CTNNA2: variants seen among roughly 807,000 people sequenced by gnomAD.
The protein encoded by CTNNA2 is catenin alpha 2.
In CTNNA2, 42 loss-of-function variants were observed where a neutral mutation model predicts 101.0. The ratio of observed to expected loss-of-function variants is 0.42; its 90% confidence interval spans 0.32 to 0.54. The LOEUF (loss-of-function observed/expected upper bound fraction) is 0.54, where lower values mean the gene tolerates loss of function less well. Ranked by LOEUF, CTNNA2 falls within the 20% of genes least tolerant of loss-of-function variation. The probability of loss-of-function intolerance (pLI) is 0.14; values close to 1 mark genes in which losing one functional copy is unlikely to be tolerated. For synonymous variants in CTNNA2, 450 were observed against 456.4 expected (o/e 0.99, Z 0.18); for missense variants, 871 against 1,223.1 (o/e 0.71, Z 4.29).
At chr2:79,942,205 C>T (rs1688207003) in intron 7 of CTNNA2, among the ~76,000 whole-genome samples, 2 of 152,162 alleles carry the variant, frequency 1.3e-5, no homozygotes, top group African/African-American at 4.8e-5. Context: ...TTGCAGCCAG[C>T]AAGTGCCTAT....
At chr2:79,793,356 G>A (rs1675432072) in intron 3 of CTNNA2, among the ~76,000 whole-genome samples, 1 of 152,238 alleles carries the variant, frequency 6.6e-6, no homozygotes, top group Non-Finnish European at 1.5e-5. Context: ...GTGAGACAGA[G>A]CGACTCATGT....
At chr2:80,581,653 G>A (rs1695554296) in intron 13 of CTNNA2, 53 bp from the exon 14 acceptor site, 6 of 1,120,802 alleles carry the variant, frequency 5.4e-6, no homozygotes, top group South Asian at 1.3e-5. Flanking sequence ...GTGTGTGGAT[G>A]GGGGTGAAGA....
At chr2:80,597,577 T>A (rs1201478845) in intron 15 of CTNNA2, among the ~76,000 whole-genome samples, 1 of 152,196 alleles carries the variant, frequency 6.6e-6, no homozygotes, top group East Asian at 1.9e-4. Flanking sequence ...ATTACCCATC[T>A]GGCAAGGGTC....
chr2:80,347,726 A>C (rs558394980), intron 7 of CTNNA2, among the ~76,000 whole-genome samples: 1 of 152,238 alleles, frequency 6.6e-6, no homozygotes, highest in South Asian at 2.1e-4. Flanking sequence ...GTAGCATCAG[A>C]ATACCCTAGA....
At position 80,517,961 on chromosome 2, in the gene CTNNA2, T is replaced by G. The variant is rs549517469; in HGVS notation, c.1291-27021T>G. Among the ~76,000 whole-genome samples the G allele has an allele frequency of 2.0e-5, 3 of 152,306 alleles. No individual in the cohort carries two copies. In the South Asian group the frequency reaches 6.2e-4, roughly 32 times the overall value. On this transcript the variant is annotated intron_variant, in intron 9 of 18. Transcript: ENST00000402739. ...TGCCAGAATTCACATCCCTAAAGTATGCTATTTCTAGGGATTACAAGTAAA... is the reference window on the plus strand; with the variant it reads ...TGCCAGAATTCACATCCCTAAAGTAGGCTATTTCTAGGGATTACAAGTAAA...
Position 80,232,377 on chromosome 2 carries a change from T to G in CTNNA2, c.1057-160834T>G, listed in dbSNP as rs865899931. ...TTTTTTTTTTTTTTTTTTTTTTTTT[T>G]TTTTTTTTTTTGTTAACACTAGTTT... On this transcript the variant is annotated intron_variant, in intron 7 of 18. Transcript: ENST00000402739. Among the ~76,000 whole-genome samples, 332 of 104,384 alleles carry G rather than the reference T, an allele frequency of 3.2e-3. 11 individuals carry two copies. Among genetic ancestry groups the G allele is most frequent in the Middle Eastern group, 4.3e-3 (1 of 232 alleles). The allele number at this position is 104,384 out of a possible 152,430, so 68.5% of individuals were successfully genotyped here. A position where few individuals can be genotyped will look rare whatever the true frequency, so the allele number is the denominator to read the frequency against.
chr2:79,310,294 G>A (rs956792803), intron 2 of CTNNA2, among the ~76,000 whole-genome samples: 2 of 152,174 alleles, frequency 1.3e-5, no homozygotes, highest in African/African-American at 4.8e-5. Context: ...TCGACAAAAT[G>A]TTTCTAAGAT....
intron 7 of CTNNA2, among the ~76,000 whole-genome samples, chr2:80,258,879 C>T (rs972036116): frequency 3.9e-5 from 6 of 152,064 alleles, no homozygotes; most frequent in African/African-American, 7.2e-5. Flanking sequence ...CTGCTCTTAC[C>T]GCCTCACTTC....
At chr2:79,796,736 G>T (rs1675734067) in intron 3 of CTNNA2, among the ~76,000 whole-genome samples, 1 of 152,202 alleles carries the variant, frequency 6.6e-6, no homozygotes, top group Non-Finnish European at 1.5e-5. Context: ...CATCAGTTAG[G>T]TAATGAGAAG....
At chr2:80,504,768 C>T (rs2149539062) in intron 9 of CTNNA2, among the ~76,000 whole-genome samples, 1 of 152,344 alleles carries the variant, frequency 6.6e-6, no homozygotes, top group East Asian at 1.9e-4. Context: ...TTCTTCATCA[C>T]TGCCTGACCT....
intron 3 of CTNNA2, among the ~76,000 whole-genome samples, chr2:79,327,074 C>T (rs1200647351): frequency 1.3e-5 from 2 of 152,174 alleles, no homozygotes; most frequent in Admixed American, 1.3e-4. Flanking sequence ...TCCTGCATAC[C>T]TCTCCAGGGA....
intron 7 of CTNNA2, among the ~76,000 whole-genome samples, chr2:79,935,421 G>A (rs1687720582): frequency 6.6e-6 from 1 of 150,774 alleles, no homozygotes; most frequent in South Asian, 2.1e-4. Flanking sequence ...AAAGTACAAA[G>A]AACGATATAT....
chr2:80,181,000 A>G (rs536117497), intron 7 of CTNNA2, among the ~76,000 whole-genome samples: 15 of 152,274 alleles, frequency 9.9e-5, no homozygotes, highest in Admixed American at 3.9e-4. Flanking sequence ...TCATTATCCC[A>G]TACCCTTAAT....
intron 3 of CTNNA2, among the ~76,000 whole-genome samples, chr2:79,795,341 TATA>T (rs1467667505): frequency 6.6e-6 from 1 of 152,108 alleles, no homozygotes; most frequent in Non-Finnish European, 1.5e-5. Flanking sequence ...GATTTAAAAA[TATA>T]ATAGTAAAGT....
At chr2:79,922,642 C>CTTTTTTTTTTTTTTTTTTTTTTTTTTT (rs35186079) in intron 7 of CTNNA2, among the ~76,000 whole-genome samples, 1 of 137,180 alleles carries the variant, frequency 7.3e-6, no homozygotes, top group African/African-American at 2.7e-5. Context: ...CAGTTTTTTA[C>CTTTTTTTTTTTTTTTTTTTTTTTTTTT]TTTTTTTTTT....
At chr2:80,022,332 G>T (rs2104112976) in intron 7 of CTNNA2, among the ~76,000 whole-genome samples, 1 of 152,280 alleles carries the variant, frequency 6.6e-6, no homozygotes, top group Middle Eastern at 3.4e-3. Flanking sequence ...TCAGGTGAGG[G>T]AAGTAGCCAT....
intron 11 of CTNNA2, among the ~76,000 whole-genome samples, chr2:80,551,098 A>G (rs1388081805): frequency 2.6e-5 from 4 of 152,230 alleles, no homozygotes; most frequent in Admixed American, 6.5e-5. Context: ...ATCTCTGTGT[A>G]TATCTCCATC....
At chr2:79,683,503 T>G (rs959924213) in intron 2 of CTNNA2, among the ~76,000 whole-genome samples, 3 of 152,240 alleles carry the variant, frequency 2.0e-5, no homozygotes, top group Non-Finnish European at 4.4e-5. Context: ...AAGTGTTGTT[T>G]CTGTTGAGTA....
chr2:79,997,473 A>G lies in CTNNA2; in HGVS notation c.1056+87676A>G, dbSNP rs151318373. Among the ~76,000 whole-genome samples, 290 of 152,302 alleles carry G rather than the reference A, an allele frequency of 1.9e-3. 4 individuals carry two copies. The highest frequency in any genetic ancestry group is 6.7e-3 in the African/African-American group (279 of 41,586). The stretch of plus-strand genomic sequence containing the variant: ...CCAGACCAAACCAAACAAACCCTGC[A>G]GGATTTTTCTGTTTCTGTGGGGTCT... On this transcript the variant is annotated intron_variant, in intron 7 of 18. Coordinates refer to ENST00000402739, the MANE Select transcript of CTNNA2 (RefSeq NM_001282597.3).
Sources: allele counts gnomAD v4.1 joint callset (sites outside exome capture counted in the v4.1 genomes callset), GRCh38; gene constraint gnomAD v4.1.1; transcripts MANE v1.5; gene names NCBI Gene and HGNC (gene_info 2026-07-23, HGNC 2026-07-21).